The following TFDP2 variants were observed in gnomAD, a reference collection of about 807,000 sequenced individuals.
TFDP2 encodes transcription factor Dp-2, also known as transcription factor Dp-2 (E2F dimerization partner 2).
In TFDP2, 17 loss-of-function variants were observed where a neutral mutation model predicts 59.3. The observed-to-expected ratio is 0.29, with a 90% CI of 0.20 to 0.43. TFDP2 has a LOEUF of 0.43. Among genes scored for constraint, TFDP2 ranks in the 20% least tolerant of loss-of-function variants. The probability of loss-of-function intolerance (pLI) is 1.00; values close to 1 mark genes in which losing one functional copy is unlikely to be tolerated. For missense variants in TFDP2, 391 were observed against 528.8 expected (o/e 0.74, Z 2.56); for synonymous variants, 180 against 194.7 (o/e 0.92, Z 0.63).
rs768308209 is a variant in TFDP2, at chr3:141,993,572, C to A, written c.322G>T (p.Ala108Ser). Residue 108 changes from alanine to serine, a missense_variant, in exon 6 of 13, where the codon GCT becomes TCT. By Grantham distance (99) the Ala-to-Ser change is moderately conservative (BLOSUM62 1). Transcript: ENST00000489671. ...TGWVPGDRKR[A>S]RKFIDSDFSE... ...AAATCAGAGTCTATAAATTTTCTAG[C>A]CCGTTTTCTATCACTAAAAAGGAAA... The A allele has an allele frequency of 6.4e-7, 1 of 1,573,076 alleles. No individual in the cohort carries two copies. Among genetic ancestry groups the A allele is most frequent in the Non-Finnish European group, 8.7e-7 (1 of 1,151,432 alleles).
intron 3 of TFDP2, among the ~76,000 whole-genome samples, chr3:142,044,942 GTTA>G (rs1947254598): frequency 1.3e-5 from 2 of 151,990 alleles, no homozygotes; most frequent in South Asian, 4.2e-4. Flanking sequence ...TATATATTTA[GTTA>G]TTATTATTAT....
At chr3:142,023,133 A>AG (rs1350809795) in intron 3 of TFDP2, among the ~76,000 whole-genome samples, 22 of 151,144 alleles carry the variant, frequency 1.5e-4, no homozygotes, top group African/African-American at 5.3e-4. Context: ...AAAAAAAAAA[A>AG]AAAAAAAAAA....
At chr3:142,139,851 T>A (rs866772059) in intron 1 of TFDP2, among the ~76,000 whole-genome samples, 1 of 152,178 alleles carries the variant, frequency 6.6e-6, no homozygotes, top group Non-Finnish European at 1.5e-5. Context: ...TATCTTGGGG[T>A]TGCTCTTCTC....
Position 142,063,099 on chromosome 3 carries a change from T to C in TFDP2, c.82+29962A>G, listed in dbSNP as rs568978633. Among the ~76,000 whole-genome samples, 519 of 152,306 alleles carry C rather than the reference T, an allele frequency of 3.4e-3. 4 individuals are homozygous for C. Among genetic ancestry groups the C allele is most frequent in the Non-Finnish European group, 2.5e-3 (169 of 68,020 alleles). On this transcript the variant is annotated intron_variant, in intron 3 of 12. Coordinates refer to ENST00000489671, the MANE Select transcript of TFDP2 (RefSeq NM_001178139.2). ...TGTGTAAATAAAACTTGAAATAATA[T>C]GTAAATATAAAACATGAATATTTTA...
At chr3:142,046,222 A>G (rs959741257) in intron 3 of TFDP2, among the ~76,000 whole-genome samples, 1 of 152,208 alleles carries the variant, frequency 6.6e-6, no homozygotes, top group African/African-American at 2.4e-5. Flanking sequence ...ACTTTGAAAC[A>G]GAATATAGTT....
chr3:141,984,672 AG>A (rs775239647), intron 6 of TFDP2, among the ~76,000 whole-genome samples: 5 of 152,146 alleles, frequency 3.3e-5, no homozygotes, highest in Admixed American at 6.6e-5. Flanking sequence ...TAGTGGTGAT[AG>A]TTGCCCAACA....
intron 7 of TFDP2, among the ~76,000 whole-genome samples, chr3:141,978,064 G>C (rs1347720147): frequency 6.6e-6 from 1 of 151,462 alleles, no homozygotes; most frequent in Non-Finnish European, 1.5e-5. Flanking sequence ...AACAACTAAG[G>C]CTGGGTACAG....
At chr3:142,147,058 C>CAA (rs3070389) in intron 1 of TFDP2, among the ~76,000 whole-genome samples, 15,954 of 104,888 alleles carry the variant, frequency 0.15, 1,020 homozygotes, top group Middle Eastern at 0.19. Flanking sequence ...AACCCTGTCT[C>CAA]AAAAAAAAAA....
intron 3 of TFDP2, among the ~76,000 whole-genome samples, chr3:142,015,234 T>C (rs186503023): frequency 1.3e-5 from 2 of 152,304 alleles, no homozygotes; most frequent in Non-Finnish European, 2.9e-5. Context: ...GATGATCCCA[T>C]CTAAGTCTCC....
At position 142,101,807 on chromosome 3, in the gene TFDP2, A is replaced by G. The variant is rs1237033114; in HGVS notation, c.-58T>C. The G allele has an allele frequency of 9.4e-7, 1 of 1,064,470 alleles. No individual in the cohort carries two copies. The highest frequency in any genetic ancestry group is 1.6e-5 in the African/African-American group (1 of 62,968). 65.9% of individuals were successfully genotyped at this position (1,064,470 alleles called of 1,614,324 possible). ...GCCATTAAAAAAATAAAAAGAAAAA[A>G]ACCTTCGTCTTCAATAATTCTTTAA... On this transcript the variant is annotated 5_prime_UTR_variant, in exon 2 of 13. Transcript: ENST00000489671.
chr3:141,992,147 T>A (rs1404985952), intron 6 of TFDP2, among the ~76,000 whole-genome samples: 1 of 151,130 alleles, frequency 6.6e-6, no homozygotes, highest in African/African-American at 2.4e-5. Context: ...AACACCACTG[T>A]GCTAAATCTT....
intron 3 of TFDP2, among the ~76,000 whole-genome samples, chr3:142,026,307 G>A (rs956315825): frequency 1.3e-5 from 2 of 151,172 alleles, no homozygotes; most frequent in Non-Finnish European, 3.0e-5. Flanking sequence ...GCGAGATTCC[G>A]TCTCAAAAAA....
At chr3:142,066,525 T>A (rs1049584766) in intron 3 of TFDP2, among the ~76,000 whole-genome samples, 4 of 152,216 alleles carry the variant, frequency 2.6e-5, no homozygotes, top group African/African-American at 9.7e-5. Flanking sequence ...ATGTAATTTA[T>A]TGAATACTGT....
intron 1 of TFDP2, among the ~76,000 whole-genome samples, chr3:142,114,122 G>A (rs911764277): frequency 4.6e-5 from 7 of 150,962 alleles, no homozygotes; most frequent in African/African-American, 1.5e-4. Flanking sequence ...CCGAAATCGC[G>A]CCACTGCACT....
intron 3 of TFDP2, among the ~76,000 whole-genome samples, chr3:142,080,074 A>G (rs577072420): frequency 6.6e-6 from 1 of 152,146 alleles, no homozygotes; most frequent in Admixed American, 6.5e-5. Context: ...AGTGATTCTC[A>G]TGCCTCAACC....
intron 1 of TFDP2, among the ~76,000 whole-genome samples, chr3:142,110,850 G>C (rs371139453): frequency 4.7e-4 from 72 of 152,118 alleles, no homozygotes; most frequent in African/African-American, 1.7e-3. Flanking sequence ...CTAATCTGGA[G>C]GCTGAGGCAG....
chr3:142,019,053 A>ATTTTTTTTT (rs62999460), intron 3 of TFDP2, among the ~76,000 whole-genome samples: 1 of 140,310 alleles, frequency 7.1e-6, no homozygotes. Context: ...TTCTTCGCAC[A>ATTTTTTTTT]TTTTTTTTTT....
At chr3:142,031,097 G>A (rs1946412170) in intron 3 of TFDP2, among the ~76,000 whole-genome samples, 1 of 152,144 alleles carries the variant, frequency 6.6e-6, no homozygotes, top group Non-Finnish European at 1.5e-5. Context: ...ATTGTCCAGA[G>A]CTAGACAACA....
intron 4 of TFDP2, among the ~76,000 whole-genome samples, chr3:141,998,201 G>A (rs962291918): frequency 4.6e-5 from 7 of 152,164 alleles, no homozygotes; most frequent in Admixed American, 2.6e-4. Context: ...AGAGTGAAAC[G>A]TAAGAAATAA....
Sources: gnomAD v4.1 joint callset for allele counts (sites outside exome capture counted in the v4.1 genomes callset) on GRCh38, gnomAD v4.1.1 for gene constraint, MANE v1.5 for transcripts, NCBI Gene and HGNC (gene_info 2026-07-23, HGNC 2026-07-21) for gene names.